Variants in P4HA2 observed in about 807,000 individuals in gnomAD.
The protein encoded by P4HA2 is prolyl 4-hydroxylase subunit alpha 2.
Under a neutral mutation model 76.9 loss-of-function variants are expected in P4HA2, and 46 were observed. That is an observed-to-expected ratio of 0.60 (90% CI 0.47 to 0.76). The LOEUF is 0.76. P4HA2 is among the 30% of genes least tolerant of loss of function. The probability of loss-of-function intolerance (pLI) is 0.00; values close to 1 mark genes in which losing one functional copy is unlikely to be tolerated. For synonymous variants in P4HA2, 243 were observed against 254.0 expected, an observed-to-expected ratio of 0.96 and a Z score of 0.41; for missense variants, 583 against 669.4, an observed-to-expected ratio of 0.87 and a Z score of 1.42.
At chr5:132,208,115 C>G (rs1456388746) in intron 7 of P4HA2, among the ~76,000 whole-genome samples, 1 of 151,244 alleles carries the variant, frequency 6.6e-6, no homozygotes, top group Non-Finnish European at 1.5e-5. Flanking sequence ...TGGGACCAGC[C>G]TAGATGACAT....
chr5:132,224,618 T>C (rs1213459034), intron 1 of P4HA2, among the ~76,000 whole-genome samples: 1 of 152,186 alleles, frequency 6.6e-6, no homozygotes, highest in African/African-American at 2.4e-5. Context: ...GAGACTGGAA[T>C]CAGGTATAAT....
rs982998141 is a variant in P4HA2 at position 132,204,277 on chromosome 5, G to A, written c.1081-125C>T. On this transcript the variant is annotated intron_variant, in intron 8 of 14. Coordinates refer to ENST00000360568, the MANE Select transcript of P4HA2 (RefSeq NM_001017974.2). Reference sequence around the variant, plus strand: ...TAGTGGAGGAAGCTTTGCAGCCAATGGCTCTAGCCAAGGCCCCAAGATCCT... The same window carrying A: ...TAGTGGAGGAAGCTTTGCAGCCAATAGCTCTAGCCAAGGCCCCAAGATCCT... 1.7e-5 allele frequency: 13 copies of A among 777,270 alleles called. No individual in the cohort carries two copies. The African/African-American group carries it at 2.2e-4, about 13-fold the overall frequency. 48.1% of individuals were successfully genotyped at this position (777,270 alleles called of 1,614,324 possible).
chr5:132,202,740 C>A (rs1751684033), intron 10 of P4HA2: 1 of 152,260 alleles, frequency 6.6e-6, no homozygotes, highest in African/African-American at 2.4e-5. Context: ...CAGGGTGCTG[C>A]CACATTTCTT....
intron 5 of P4HA2, 58 bp downstream of exon 5, chr5:132,213,858 C>T: frequency 6.4e-7 from 1 of 1,569,948 alleles, no homozygotes; most frequent in Non-Finnish European, 8.7e-7. Context: ...TGGCTCCAAC[C>T]TGTCCCGCCA....
chr5:132,218,873 G>A (rs1337638178), intron 1 of P4HA2, among the ~76,000 whole-genome samples: 1 of 152,186 alleles, frequency 6.6e-6, no homozygotes, highest in Non-Finnish European at 1.5e-5. Flanking sequence ...GCCCTGCGGA[G>A]AGAGCCCATC....
chr5:132,213,850 G>A (rs1336629114), intron 5 of P4HA2, 66 bp downstream of exon 5: 4 of 1,522,276 alleles, frequency 2.6e-6, no homozygotes, highest in Non-Finnish European at 3.6e-6. Context: ...GTTGGTGGTG[G>A]CTCCAACCTG....
chr5:132,218,428 C>T lies in P4HA2; in HGVS notation c.82+117G>A, dbSNP rs887760005. 11 of 662,718 alleles carry T rather than the reference C, an allele frequency of 1.7e-5. No individual in the cohort carries two copies. The African/African-American group carries it at 2.0e-4, about 12-fold the overall frequency. The allele number at this position is 662,718 out of a possible 1,614,324, so 41.1% of individuals were successfully genotyped here. On this transcript the variant is annotated intron_variant, in intron 2 of 14. Coordinates refer to ENST00000360568, the MANE Select transcript of P4HA2 (RefSeq NM_001017974.2). ...TCTGCCAGTTCCACTCTCCTCAGAA[C>T]TGGCCAAAACCAGTAGTTAAGGCTA... is the stretch of plus-strand genomic sequence containing the variant.
In P4HA2 at chr5:132,195,461, C is replaced by T. The variant is rs1750500255; in HGVS notation, c.1385G>A (p.Gly462Asp). The T allele has an allele frequency of 6.2e-7, 1 of 1,613,054 alleles. No individual in the cohort carries two copies. Reference protein sequence around the residue: ...FLNYMSDVEAGGATVFPDLGA... With the variant: ...FLNYMSDVEADGATVFPDLGA... ...CAGATCAGGGAAGACGGTGGCACCA[C>T]CAGCTTCTACATCACTCATCTGGAA... is the stretch of plus-strand genomic sequence containing the variant. The change falls in exon 13 of 15, where the codon GGT (glycine) becomes GAT (aspartate). Residue 462 changes from glycine (G) to aspartate (D), a missense_variant. Transcript: ENST00000360568.
At chr5:132,219,063 G>T (rs1457581009) in intron 1 of P4HA2, among the ~76,000 whole-genome samples, 1 of 152,162 alleles carries the variant, frequency 6.6e-6, no homozygotes, top group Non-Finnish European at 1.5e-5. Context: ...CCAGGTTTTG[G>T]GGAACCAGTC....
At chr5:132,210,618 G>A in intron 5 of P4HA2, 95 bp from the exon 6 acceptor site, 1 of 1,238,300 alleles carries the variant, frequency 8.1e-7, no homozygotes, top group Admixed American at 1.7e-5. Context: ...ACTGGATAGG[G>A]GGCATCACCA....
rs769101327 is a variant in P4HA2 at position 132,207,797 on chromosome 5, C to T, written c.991G>A (p.Asp331Asn). The T allele has an allele frequency of 1.2e-5, 19 of 1,613,284 alleles. No individual in the cohort carries two copies. In the South Asian group the frequency reaches 2.0e-4, roughly 17 times the overall value. Residue 331 changes from aspartate to asparagine, a missense_variant, in exon 8 of 15, where the codon GAC becomes AAC. Asp to Asn is a conservative substitution (Grantham distance 23). Coordinates refer to ENST00000360568, the MANE Select transcript of P4HA2 (RefSeq NM_001017974.2). Reference sequence around the variant, plus strand: ...ACGATGTGCGGGCTGTCCCACTCGTCCTCCTCTTTGAAGGGGGCAATGAGC... The same window carrying T: ...ACGATGTGCGGGCTGTCCCACTCGTTCTCCTCTTTGAAGGGGGCAATGAGC... ...QLLIAPFKEE[D>N]EWDSPHIVRY...
chr5:132,213,998 C>T lies in P4HA2; in HGVS notation c.387G>A (p.Glu129=). The change falls in exon 5 of 15, where the codon GAG becomes GAA. Residue 129 remains glutamate, a synonymous_variant. Coordinates refer to ENST00000360568, the MANE Select transcript of P4HA2 (RefSeq NM_001017974.2). The part of the protein sequence containing the change: ...QRQFFPTDED[E]IGAAKALMRL... ...TCATCAGGGCTTTGGCAGCTCCTAT[C>T]TCGTCCTCATCAGTGGGGAAGAACT... 1 of 1,614,166 alleles carries T rather than the reference C, an allele frequency of 6.2e-7. No individual in the cohort carries two copies. Among genetic ancestry groups the T allele is most frequent in the Non-Finnish European group, 8.5e-7 (1 of 1,179,982 alleles).
chr5:132,216,302 T>A (rs948705058), intron 4 of P4HA2, among the ~76,000 whole-genome samples: 6 of 152,008 alleles, frequency 3.9e-5, no homozygotes, highest in African/African-American at 1.5e-4. Flanking sequence ...AAAAGTATTA[T>A]CACAATAAAA....
At chr5:132,223,915 T>G (rs1320835521) in intron 1 of P4HA2, among the ~76,000 whole-genome samples, 2 of 152,204 alleles carry the variant, frequency 1.3e-5, no homozygotes, top group Admixed American at 6.5e-5. Flanking sequence ...CAATAATCTG[T>G]TACCTTAAAG....
Position 132,210,337 on chromosome 5 carries a change from T to C in P4HA2, c.656A>G (p.Gln219Arg). The C allele has an allele frequency of 6.2e-7, 1 of 1,614,102 alleles. No individual in the cohort carries two copies. Among genetic ancestry groups the C allele is most frequent in the Non-Finnish European group, 8.5e-7 (1 of 1,180,008 alleles). The part of the protein sequence containing the change: ...VLDYLSYAVF[Q>R]LGDLHRALEL... ...CAGGGCACGGTGCAGATCACCCAAC[T>C]GGAAGACAGCATAGCTGAGGTAGTC... The change falls in exon 6 of 15, where the codon CAG (glutamine) becomes CGG (arginine). Residue 219 changes from glutamine (Q) to arginine (R), a missense_variant. By Grantham distance (43) the Gln-to-Arg change is conservative (BLOSUM62 1). Transcript: ENST00000360568.
At position 132,190,974 on chromosome 5, in the gene P4HA2, A is replaced by G. The variant is rs1749858164; in HGVS notation, c.*2036T>C. Among the ~76,000 whole-genome samples the G allele has an allele frequency of 6.6e-6, 1 of 152,228 alleles. No individual in the cohort carries two copies. Among genetic ancestry groups the G allele is most frequent in the Non-Finnish European group, 1.5e-5 (1 of 68,028 alleles). The stretch of plus-strand genomic sequence containing the variant: ...GAGCTGCTATAATAAAATACCATAC[A>G]TTGAATTAAAAACATTTATTTCTCA... On this transcript the variant is annotated 3_prime_UTR_variant, in exon 15 of 15. Coordinates refer to ENST00000360568, the MANE Select transcript of P4HA2 (RefSeq NM_001017974.2).
chr5:132,216,162 C>CAAAAAAAAAAAA (rs5871448), intron 4 of P4HA2, among the ~76,000 whole-genome samples: 1 of 63,168 alleles, frequency 1.6e-5, no homozygotes, highest in Non-Finnish European at 2.7e-5. Context: ...GACTCAGTCT[C>CAAAAAAAAAAAA]AAAAAAAAAA....
At position 132,194,977 on chromosome 5, in the gene P4HA2, C is replaced by A; in HGVS notation, c.1480G>T (p.Asp494Tyr). 6.2e-7 allele frequency: 1 copy of A among 1,613,944 alleles called. No homozygotes were observed. The highest frequency in any genetic ancestry group is 8.5e-7 in the Non-Finnish European group (1 of 1,179,804). ...WYNLLRSGEG[D>Y]YRTRHAACPV... ...CAGGCAGCATGTCTTGTTCGGTAGT[C>A]ACCTTCCCCGCTCCGCAAGAGGTTG... The change falls in exon 14 of 15, where the codon GAC (aspartate) becomes TAC (tyrosine). Residue 494 changes from aspartate to tyrosine, a missense_variant. Coordinates refer to ENST00000360568, the MANE Select transcript of P4HA2 (RefSeq NM_001017974.2).
At chr5:132,220,660 T>C (rs867542084) in intron 1 of P4HA2, among the ~76,000 whole-genome samples, 5 of 152,226 alleles carry the variant, frequency 3.3e-5, no homozygotes, top group Admixed American at 6.5e-5. Context: ...GTTTCTTCAT[T>C]ACATGAATAC....
Sources: gnomAD v4.1 joint callset for allele counts (sites outside exome capture counted in the v4.1 genomes callset) on GRCh38, gnomAD v4.1.1 for gene constraint, MANE v1.5 for transcripts, NCBI Gene and HGNC (gene_info 2026-07-23, HGNC 2026-07-21) for gene names.